Variants in ARID3A observed in about 807,000 individuals in gnomAD.
ARID3A encodes AT-rich interaction domain 3A, also known as AT-rich interactive domain-containing protein 3A.
In ARID3A, 11 loss-of-function variants were observed where a neutral mutation model predicts 52.7. That is an observed-to-expected ratio of 0.21 (90% CI 0.13 to 0.35). The LOEUF is 0.35. ARID3A is among the 10% of genes least tolerant of loss of function. The probability of loss-of-function intolerance (pLI) is 1.00; values close to 1 mark genes in which losing one functional copy is unlikely to be tolerated. For missense variants in ARID3A, 721 were observed against 838.5 expected (o/e 0.86, Z 1.73); for synonymous variants, 404 against 359.4 (o/e 1.12, Z -1.40).
intron 3 of ARID3A, among the ~76,000 whole-genome samples, chr19:937,945 T>C (rs994648959): frequency 3.9e-5 from 6 of 151,916 alleles, no homozygotes; most frequent in African/African-American, 1.5e-4. Flanking sequence ...CTTGACCTCG[T>C]GATCCGCCCG....
rs146288715 is a variant in ARID3A at position 952,347 on chromosome 19, C to T, written c.694-7745C>T. On this transcript the variant is annotated intron_variant, in intron 3 of 8. Transcript: ENST00000263620. Reference sequence around the variant, plus strand: ...GTCCCAACTACTCCAGAGGCTGAGGCAGGAGGATCACTTGAGCCTGAGAGG... The same window carrying T: ...GTCCCAACTACTCCAGAGGCTGAGGTAGGAGGATCACTTGAGCCTGAGAGG... Among the ~76,000 whole-genome samples, 711 of 135,932 alleles carry T rather than the reference C, an allele frequency of 5.2e-3. 4 individuals carry two copies. The highest frequency in any genetic ancestry group is 0.019 in the African/African-American group (681 of 36,292). The allele number at this position is 135,932 out of a possible 152,430, so 89.2% of individuals were successfully genotyped here.
chr19:952,227 T>C (rs2037815225), intron 3 of ARID3A, among the ~76,000 whole-genome samples: 1 of 151,826 alleles, frequency 6.6e-6, no homozygotes, highest in Non-Finnish European at 1.5e-5. Flanking sequence ...GGAGGATCAC[T>C]TGAGCCCAGG....
In ARID3A at chr19:942,568, G is replaced by A. The variant is rs958622191; in HGVS notation, c.693+9826G>A. Reference sequence around the variant, plus strand: ...TCTGGCCATTGAAGGCCCAAGCGCCGGGATATGCAGCCTTGCCCCTTGGTC... The same window carrying A: ...TCTGGCCATTGAAGGCCCAAGCGCCAGGATATGCAGCCTTGCCCCTTGGTC... On this transcript the variant is annotated intron_variant, in intron 3 of 8. Transcript: ENST00000263620. This position sits in a 1 kb window ranked among gnomAD's most constrained non-coding sequence, Gnocchi z 8.1. Among the ~76,000 whole-genome samples the A allele has an allele frequency of 2.0e-5, 3 of 152,194 alleles. No homozygotes were observed. The highest frequency in any genetic ancestry group is 3.9e-4 in the East Asian group (2 of 5,192).
intron 3 of ARID3A, among the ~76,000 whole-genome samples, chr19:945,821 G>A (rs544255629): frequency 7.2e-5 from 11 of 152,310 alleles, no homozygotes; most frequent in Middle Eastern, 3.4e-3. Context: ...GCTGGGCTGC[G>A]TTTCTGTTCA....
chr19:953,425 C>T (rs925129249), intron 3 of ARID3A, among the ~76,000 whole-genome samples: 6 of 151,956 alleles, frequency 3.9e-5, no homozygotes, highest in African/African-American at 7.2e-5. Flanking sequence ...CAGAGGGGCC[C>T]GGTCCTCATC....
Position 946,188 on chromosome 19 carries a change from GGGA to G in ARID3A, c.693+13451_693+13453del, listed in dbSNP as rs754176282. 2.1e-4 allele frequency among the ~76,000 whole-genome samples: 32 copies of G among 152,138 alleles called. 1 individual carries two copies. Among genetic ancestry groups the G allele is most frequent in the Non-Finnish European group, 4.6e-4 (31 of 68,008 alleles). ...GAGTGGCAGGTTCGTCACTGCCTGGGGGAGGAGAACACTGGGTATTTCATTTTT... is the reference window on the plus strand; with the variant it reads ...GAGTGGCAGGTTCGTCACTGCCTGGGGGAGAACACTGGGTATTTCATTTTT... On this transcript the variant is annotated intron_variant, in intron 3 of 8. Coordinates refer to ENST00000263620, the MANE Select transcript of ARID3A (RefSeq NM_005224.3).
At position 960,873 on chromosome 19, in the gene ARID3A, G is replaced by A. The variant is rs2038026243; in HGVS notation, c.766+709G>A. Among the ~76,000 whole-genome samples the A allele has an allele frequency of 6.6e-6, 1 of 152,178 alleles. No homozygotes were observed. Among genetic ancestry groups the A allele is most frequent in the Admixed American group, 6.5e-5 (1 of 15,278 alleles). On this transcript the variant is annotated intron_variant, in intron 4 of 8. Transcript: ENST00000263620. This position sits in a 1 kb window ranked among gnomAD's most constrained non-coding sequence, Gnocchi z 4.3. ...GGCAGGTCTGGGCTGGTGTCCAGGTGGGGAAACTGAGGTCCAGACACAAGA... is the reference window on the plus strand; with the variant it reads ...GGCAGGTCTGGGCTGGTGTCCAGGTAGGGAAACTGAGGTCCAGACACAAGA...
chr19:968,716 C>G (rs916851833), intron 8 of ARID3A: 2 of 515,820 alleles, frequency 3.9e-6, no homozygotes, highest in East Asian at 6.4e-5. Context: ...GGGTCGTCCA[C>G]AGATACATAT....
intron 4 of ARID3A, among the ~76,000 whole-genome samples, chr19:962,108 G>T (rs2238584): frequency 6.6e-6 from 1 of 151,964 alleles, no homozygotes; most frequent in African/African-American, 2.4e-5. Context: ...CTCTTCCTTG[G>T]CTTCCTCCAG....
At chr19:939,081 C>A (rs2037492765) in intron 3 of ARID3A, among the ~76,000 whole-genome samples, 1 of 151,110 alleles carries the variant, frequency 6.6e-6, no homozygotes, top group South Asian at 2.1e-4. Context: ...CAGGCGCGTG[C>A]CACCACACCT....
At chr19:955,064 T>A (rs575289316) in intron 3 of ARID3A, among the ~76,000 whole-genome samples, 2 of 152,230 alleles carry the variant, frequency 1.3e-5, no homozygotes, top group South Asian at 2.1e-4. Context: ...TGGTTGACGT[T>A]TCAGAGGGGC....
chr19:958,791 G>A (rs930426556), intron 3 of ARID3A, among the ~76,000 whole-genome samples: 16 of 152,152 alleles, frequency 1.1e-4, no homozygotes, highest in African/African-American at 3.9e-4. Context: ...TACTCGGGAG[G>A]CTGAGGCAGG....
chr19:942,823 G>A lies in ARID3A; in HGVS notation c.693+10081G>A, dbSNP rs1264345653. 2.8e-4 allele frequency among the ~76,000 whole-genome samples: 42 copies of A among 152,172 alleles called. No individual in the cohort carries two copies. Among genetic ancestry groups the A allele is most frequent in the Admixed American group, 2.7e-3 (41 of 15,274 alleles). The stretch of plus-strand genomic sequence containing the variant: ...AGAACGTGAGAGCAAGTAAGAACCC[G>A]CCTTCCGGGAGGAGCCCCGTCTGGA... On this transcript the variant is annotated intron_variant, in intron 3 of 8. Coordinates refer to ENST00000263620, the MANE Select transcript of ARID3A (RefSeq NM_005224.3). The surrounding 1 kb of genome is among the most constrained non-coding windows in gnomAD (Gnocchi z 8.1).
Position 972,034 on chromosome 19 carries a change from C to A in ARID3A, c.1751C>A (p.Ser584Tyr). ...GGGCCAGCGGGGCTGTCCACACCCT[C>A]CACATCTACCTCAAATAACTCGTTG... ...QAGPAGLSTP[S>Y]TSTSNNSLP Residue 584 changes from serine (S) to tyrosine (Y), a missense_variant, in exon 9 of 9, where the codon TCC becomes TAC. Ser to Tyr is a moderately radical substitution (Grantham distance 144). Around this residue, in one of 5 missense-constraint regions of ARID3A, gnomAD observed 297 missense variants for 343.2 expected, o/e 0.87. Coordinates refer to ENST00000263620, the MANE Select transcript of ARID3A (RefSeq NM_005224.3). 1 of 1,584,216 alleles carries A rather than the reference C, an allele frequency of 6.3e-7. No individual in the cohort carries two copies. The highest frequency in any genetic ancestry group is 2.4e-5 in the East Asian group (1 of 41,894).
intron 4 of ARID3A, among the ~76,000 whole-genome samples, chr19:963,248 G>A (rs999882127): frequency 3.3e-5 from 5 of 152,244 alleles, no homozygotes; most frequent in Non-Finnish European, 7.3e-5. Context: ...CATGGTGAGT[G>A]GGCAGCAGCT....
intron 2 of ARID3A, among the ~76,000 whole-genome samples, chr19:932,152 C>A (rs1163454154): frequency 2.0e-5 from 3 of 152,150 alleles, no homozygotes; most frequent in African/African-American, 7.2e-5. Context: ...GTGTGCGCCA[C>A]CGTGGCTGCC....
intron 3 of ARID3A, among the ~76,000 whole-genome samples, chr19:949,363 G>A (rs1394964012): frequency 2.0e-5 from 3 of 152,006 alleles, no homozygotes; most frequent in Admixed American, 1.3e-4. Context: ...GGCCTCCGCC[G>A]TGCCAGATAG....
chr19:968,314 G>A (rs964232526), intron 7 of ARID3A, 91 bp from the exon 8 acceptor site: 37 of 1,054,418 alleles, frequency 3.5e-5, no homozygotes, highest in Middle Eastern at 5.8e-4. Flanking sequence ...AGCTGAGATC[G>A]CGCCACTGCA....
rs1433964159 is a variant in ARID3A, at chr19:944,586, G to A, written c.693+11844G>A. ...GACCCCCGACCCCGGCCCTGGGAGG[G>A]CCCGACTGCCAGCCTGGCTGAACCT... On this transcript the variant is annotated intron_variant, in intron 3 of 8. Transcript: ENST00000263620. The surrounding 1 kb of genome is among the most constrained non-coding windows in gnomAD (Gnocchi z 5.9). Among the ~76,000 whole-genome samples, 1 of 152,116 alleles carries A rather than the reference G, an allele frequency of 6.6e-6. No individual in the cohort carries two copies. Among genetic ancestry groups the A allele is most frequent in the Non-Finnish European group, 1.5e-5 (1 of 68,004 alleles).
Sources: gnomAD v4.1 joint callset for allele counts (sites outside exome capture counted in the v4.1 genomes callset) on GRCh38, gnomAD v4.1.1 for gene constraint, gnomAD v4.1.1 regional missense constraint, Gnocchi (gnomAD v3.1) non-coding constraint, MANE v1.5 for transcripts, NCBI Gene and HGNC (gene_info 2026-07-23, HGNC 2026-07-21) for gene names.